The following DSCAML1 variants were observed in gnomAD, a reference collection of about 807,000 sequenced individuals.
The protein encoded by DSCAML1 is cell adhesion molecule DSCAML1.
Under a neutral mutation model 200.5 loss-of-function variants are expected in DSCAML1, and 38 were observed. The ratio of observed to expected loss-of-function variants is 0.19; its 90% CI spans 0.15 to 0.25. The LOEUF is 0.25. Ranked by LOEUF, DSCAML1 falls within the 10% of genes least tolerant of loss-of-function variation. The pLI is 1.00. For synonymous variants in DSCAML1, 1,215 were observed against 1,165.0 expected, an observed-to-expected ratio of 1.04 and a Z score of -0.87; for missense variants, 2,223 against 2,858.8, an observed-to-expected ratio of 0.78 and a Z score of 5.07.
At chr11:117,719,014 G>C (rs1428460889) in intron 3 of DSCAML1, among the ~76,000 whole-genome samples, 1 of 152,200 alleles carries the variant, frequency 6.6e-6, no homozygotes, top group East Asian at 1.9e-4. Flanking sequence ...CCATGGGCCT[G>C]ATTTGGCCCA....
intron 3 of DSCAML1, among the ~76,000 whole-genome samples, chr11:117,557,892 T>C (rs557310219): frequency 6.6e-6 from 1 of 151,980 alleles, no homozygotes; most frequent in Non-Finnish European, 1.5e-5. Context: ...GGAGGCATTT[T>C]TGGTTGTCAT....
chr11:117,531,455 G>A (rs975672920), intron 4 of DSCAML1, among the ~76,000 whole-genome samples: 5 of 152,114 alleles, frequency 3.3e-5, no homozygotes, highest in African/African-American at 1.2e-4. Flanking sequence ...TATCCCTCCC[G>A]AGAAGCTATA....
chr11:117,698,805 C>T (rs184625076), intron 3 of DSCAML1, among the ~76,000 whole-genome samples: 17 of 152,272 alleles, frequency 1.1e-4, no homozygotes, highest in Middle Eastern at 3.4e-3. Context: ...GACCCTCTGC[C>T]CTGTATACCA....
intron 3 of DSCAML1, among the ~76,000 whole-genome samples, chr11:117,596,325 A>G (rs993759905): frequency 6.6e-6 from 1 of 152,094 alleles, no homozygotes; most frequent in African/African-American, 2.4e-5. Context: ...CTACCAGGAA[A>G]CACAACCTCC....
chr11:117,714,209 G>C (rs1340636732), intron 3 of DSCAML1, among the ~76,000 whole-genome samples: 1 of 152,150 alleles, frequency 6.6e-6, no homozygotes, highest in Non-Finnish European at 1.5e-5. Flanking sequence ...TGGCCTTACT[G>C]TTATTATGGT....
chr11:117,535,809 A>G lies in DSCAML1; in HGVS notation c.512-3287T>C, dbSNP rs1037821310. On this transcript the variant is annotated intron_variant, in intron 3 of 32. Coordinates refer to ENST00000651296, the MANE Select transcript of DSCAML1 (RefSeq NM_020693.4). ...AATGCTCACAGCCGACAGGTGCTCCAGCCCTGGACAGCTAGGACCCTGTGA... is the reference window on the plus strand; with the variant it reads ...AATGCTCACAGCCGACAGGTGCTCCGGCCCTGGACAGCTAGGACCCTGTGA... Among the ~76,000 whole-genome samples the G allele has an allele frequency of 1.7e-4, 26 of 149,520 alleles. 1 individual carries two copies. The highest frequency in any genetic ancestry group is 6.2e-4 in the African/African-American group (25 of 40,498).
Position 117,461,569 on chromosome 11 carries a change from C to T in DSCAML1, c.3293G>A (p.Arg1098Gln), listed in dbSNP as rs953338496. The change falls in exon 18 of 33, where the codon CGG becomes CAG. Residue 1098 changes from arginine to glutamine, a missense_variant. By Grantham distance (43) the Arg-to-Gln change is conservative. This residue lies in a region of DSCAML1 where 438 missense variants were observed against 629.7 expected (regional missense o/e 0.70). Coordinates refer to ENST00000651296, the MANE Select transcript of DSCAML1 (RefSeq NM_020693.4). Reference sequence around the variant, plus strand: ...CACGTCAGAAGTGATGGACAGGGCCCGGACGTTCTCAGGGGGCTGGCTGGG... The same window carrying T: ...CACGTCAGAAGTGATGGACAGGGCCTGGACGTTCTCAGGGGGCTGGCTGGG... ...DVPSQPPENV[R>Q]ALSITSDVAV... The T allele has an allele frequency of 2.5e-5, 41 of 1,613,662 alleles. No homozygotes were observed. The highest frequency in any genetic ancestry group is 4.5e-5 in the East Asian group (2 of 44,894).
rs756907877 is a variant in DSCAML1, at chr11:117,443,925, T to C, written c.3823A>G (p.Asn1275Asp). The stretch of plus-strand genomic sequence containing the variant: ...TCGATGGTCACCTTCTCGCTGCTGT[T>C]GCCCCGGCCGGCAGAGGTGACGGCG... ...VAAVTSAGRG[N>D]SSEKVTIEPA... The change falls in exon 21 of 33, where the codon AAC becomes GAC. Residue 1275 changes from asparagine to aspartate, a missense_variant. Transcript: ENST00000651296. 1.9e-6 allele frequency: 3 copies of C among 1,612,526 alleles called. No homozygotes were observed.
At chr11:117,772,100 G>A (rs183307917) in intron 3 of DSCAML1, among the ~76,000 whole-genome samples, 1 of 152,280 alleles carries the variant, frequency 6.6e-6, no homozygotes, top group Non-Finnish European at 1.5e-5. Flanking sequence ...TGTGGACGAA[G>A]TGTAAGGGAC....
intron 3 of DSCAML1, chr11:117,709,821 C>G: frequency 2.2e-6 from 1 of 453,538 alleles, no homozygotes; most frequent in Non-Finnish European, 4.4e-6. Flanking sequence ...GGAGCTGGTC[C>G]CAGCCTGGGA....
intron 11 of DSCAML1, among the ~76,000 whole-genome samples, chr11:117,499,526 C>A (rs2049356603): frequency 6.6e-6 from 1 of 152,178 alleles, no homozygotes; most frequent in Non-Finnish European, 1.5e-5. Flanking sequence ...GATCCTTCTA[C>A]CAAACCATCA....
intron 11 of DSCAML1, among the ~76,000 whole-genome samples, chr11:117,488,528 TGCAC>T (rs1201243576): frequency 6.7e-6 from 1 of 148,430 alleles, no homozygotes; most frequent in Admixed American, 6.6e-5. Flanking sequence ...AATCCTGACA[TGCAC>T]AGACACAGAC....
intron 1 of DSCAML1, among the ~76,000 whole-genome samples, chr11:117,788,189 C>A (rs993588479): frequency 9.2e-5 from 14 of 152,246 alleles, no homozygotes; most frequent in African/African-American, 3.4e-4. Context: ...GAGGAAGCAG[C>A]GGGCCAAGTC....
At position 117,569,392 on chromosome 11, in the gene DSCAML1, C is replaced by T. The variant is rs2050809503; in HGVS notation, c.512-36870G>A. On this transcript the variant is annotated intron_variant, in intron 3 of 32. Transcript: ENST00000651296. ...AATGGGATCTAATTAAACTAAAGAG[C>T]TTCTGCACAGCCTTGTTTTTGTAGA... 2.6e-5 allele frequency among the ~76,000 whole-genome samples: 4 copies of T among 152,206 alleles called. No homozygotes were observed. The South Asian group carries it at 8.3e-4, about 32-fold the overall frequency.
intron 3 of DSCAML1, among the ~76,000 whole-genome samples, chr11:117,697,773 CT>C (rs571575861): frequency 0.1 from 13,745 of 137,906 alleles, 679 homozygotes; most frequent in African/African-American, 0.15. Context: ...TCAAAATTTC[CT>C]TTTTTTTTTT....
intron 5 of DSCAML1, among the ~76,000 whole-genome samples, chr11:117,523,110 C>T (rs2049911890): frequency 6.6e-6 from 1 of 152,128 alleles, no homozygotes; most frequent in Non-Finnish European, 1.5e-5. Context: ...TGCATGCGTA[C>T]TTGGGGAGGC....
At chr11:117,501,363 T>A (rs1347285043) in intron 11 of DSCAML1, among the ~76,000 whole-genome samples, 1 of 151,842 alleles carries the variant, frequency 6.6e-6, no homozygotes, top group Non-Finnish European at 1.5e-5. Flanking sequence ...CCCCCGACAG[T>A]GTTGCCTTGT....
At chr11:117,577,058 G>T (rs2050945443) in intron 3 of DSCAML1, among the ~76,000 whole-genome samples, 1 of 152,196 alleles carries the variant, frequency 6.6e-6, no homozygotes, top group Non-Finnish European at 1.5e-5. Context: ...AATGGCAATG[G>T]AGTGTGATGG....
chr11:117,447,276 G>A (rs1478888426), intron 20 of DSCAML1, among the ~76,000 whole-genome samples: 1 of 152,154 alleles, frequency 6.6e-6, no homozygotes, highest in African/African-American at 2.4e-5. Context: ...TGACAGAGCA[G>A]GGCTCCGTCA....
Sources: allele counts gnomAD v4.1 joint callset (sites outside exome capture counted in the v4.1 genomes callset), GRCh38; gene constraint gnomAD v4.1.1; regional missense constraint gnomAD v4.1.1; transcripts MANE v1.5; gene names NCBI Gene and HGNC (gene_info 2026-07-23, HGNC 2026-07-21).